The following PPP2R2D variants were observed in gnomAD, a reference collection of about 807,000 sequenced individuals.
The protein encoded by PPP2R2D is serine/threonine-protein phosphatase 2A 55 kDa regulatory subunit B delta isoform.
In PPP2R2D, 9 loss-of-function variants were observed where a neutral mutation model predicts 31.1. That is an observed-to-expected ratio of 0.29 (90% CI 0.17 to 0.51). The LOEUF is 0.51. PPP2R2D is among the 20% of genes least tolerant of loss of function. The pLI, the probability that PPP2R2D is intolerant of heterozygous loss-of-function variation, is 0.98. For synonymous variants in PPP2R2D, 179 were observed against 172.6 expected, an observed-to-expected ratio of 1.04 and a Z score of -0.29; for missense variants, 391 against 465.6, an observed-to-expected ratio of 0.84 and a Z score of 1.48.
At chr10:131,924,926 C>T (rs529173200) in intron 2 of PPP2R2D, among the ~76,000 whole-genome samples, 1 of 151,872 alleles carries the variant, frequency 6.6e-6, no homozygotes, top group African/African-American at 2.4e-5. Flanking sequence ...ATATTGTAAA[C>T]AGAGTTGTTT....
At chr10:131,936,988 G>T (rs1280033361) in intron 3 of PPP2R2D, among the ~76,000 whole-genome samples, 1 of 152,244 alleles carries the variant, frequency 6.6e-6, no homozygotes, top group Non-Finnish European at 1.5e-5. Context: ...GCCGCGGATG[G>T]TGTTGCAGCC....
chr10:131,965,451 G>A, the PPP2R2D span, among the ~76,000 whole-genome samples: 9 of 152,138 alleles, frequency 5.9e-5, no homozygotes, highest in African/African-American at 2.2e-4. Flanking sequence ...AAAAAACTAG[G>A]GGGCTTTTAT....
chr10:131,953,707 T>TG lies in PPP2R2D; in HGVS notation c.1083-1970dup, dbSNP rs782560559. On this transcript the variant is annotated intron_variant, in intron 8 of 8. Coordinates refer to ENST00000455566, the MANE Select transcript of PPP2R2D (RefSeq NM_018461.5). Reference sequence around the variant, plus strand: ...GTCTTAGCAGTGACTTGCGGGTGTGTGGGGGGGTCACTGTCTTAGTGACTT... The same window carrying TG: ...GTCTTAGCAGTGACTTGCGGGTGTGTGGGGGGGGTCACTGTCTTAGTGACTT... 9.5e-4 allele frequency among the ~76,000 whole-genome samples: 30 copies of TG among 31,586 alleles called. 1 individual carries two copies. Among genetic ancestry groups the TG allele is most frequent in the East Asian group, 1.7e-3 (1 of 604 alleles). 20.7% of individuals were successfully genotyped at this position (31,586 alleles called of 152,430 possible). A position where few individuals can be genotyped will look rare whatever the true frequency, so the allele number is the denominator to read the frequency against.
chr10:131,954,293 A>G (rs563086128), intron 8 of PPP2R2D, among the ~76,000 whole-genome samples: 10 of 152,386 alleles, frequency 6.6e-5, no homozygotes, highest in African/African-American at 2.4e-4. Context: ...AGTGTCGGCC[A>G]TACATCATCT....
intron 5 of PPP2R2D, among the ~76,000 whole-genome samples, chr10:131,943,615 C>T (rs978856088): frequency 2.0e-5 from 3 of 152,122 alleles, no homozygotes; most frequent in Admixed American, 2.0e-4. Context: ...AGCTGAGCCA[C>T]CCAGGAGGAC....
chr10:131,969,609 C>T, the PPP2R2D span: 1 of 152,380 alleles, frequency 6.6e-6, no homozygotes, highest in Non-Finnish European at 1.5e-5. Context: ...GCTTTTATCC[C>T]GTTTCCTTCA....
chr10:131,941,991 C>T lies in PPP2R2D; in HGVS notation c.477+1297C>T, dbSNP rs868969712. Among the ~76,000 whole-genome samples, 15 of 152,308 alleles carry T rather than the reference C, an allele frequency of 9.8e-5. 1 individual carries two copies. Among genetic ancestry groups the T allele is most frequent in the Middle Eastern group, 6.8e-3 (2 of 294 alleles). On this transcript the variant is annotated intron_variant, in intron 5 of 8. Transcript: ENST00000455566. ...TACACAGTGCTGCCGCCTTTGCACC[C>T]CTGAATTAGTGTAAATCACTTTTAG...
the PPP2R2D span, chr10:131,967,878 C>T: frequency 6.6e-6 from 1 of 152,216 alleles, no homozygotes; most frequent in African/African-American, 2.4e-5. Flanking sequence ...ACTGATCATC[C>T]AGGGTGATCA....
intron 2 of PPP2R2D, among the ~76,000 whole-genome samples, chr10:131,934,236 G>A (rs1366485455): frequency 1.3e-5 from 2 of 152,040 alleles, no homozygotes; most frequent in African/African-American, 4.8e-5. Flanking sequence ...CAGGCATGGG[G>A]GTGGAGTAAA....
chr10:131,970,705 A>G, the PPP2R2D span: 1 of 1,614,202 alleles, frequency 6.2e-7, no homozygotes, highest in Admixed American at 1.7e-5. The surrounding 1 kb of genome is among the most constrained non-coding windows in gnomAD (Gnocchi z 4.1). Context: ...AATTCTGCAG[A>G]GAATATGCCC....
rs2036838365 is a variant in PPP2R2D at position 131,957,874 on chromosome 10, C to CCA, written c.*1911_*1912insCA. Reference sequence around the variant, plus strand: ...GGAGATGAAGGGGTGTGTTGATCCCCTGTCCCCCTGTGGAGATGGTGTGTG... The same window carrying CCA: ...GGAGATGAAGGGGTGTGTTGATCCCCCATGTCCCCCTGTGGAGATGGTGTGTG... On this transcript the variant is annotated 3_prime_UTR_variant, in exon 9 of 9. Coordinates refer to ENST00000455566, the MANE Select transcript of PPP2R2D (RefSeq NM_018461.5). 6.8e-6 allele frequency: 1 copy of CCA among 147,188 alleles called. No individual in the cohort carries two copies. The highest frequency in any genetic ancestry group is 7.2e-5 in the Admixed American group (1 of 13,980). The allele number at this position is 147,188 out of a possible 1,614,324, so 9.1% of individuals were successfully genotyped here. A position where few individuals can be genotyped will look rare whatever the true frequency, so the allele number is the denominator to read the frequency against.
At chr10:131,960,931 T>A (rs946967853), downstream of PPP2R2D, among the ~76,000 whole-genome samples, 1 of 152,124 alleles carries the variant, frequency 6.6e-6, no homozygotes, top group Non-Finnish European at 1.5e-5. Flanking sequence ...GTGGCTCTGC[T>A]CGTCCTGGGC....
At chr10:131,971,179 C>T in the PPP2R2D span, 1 of 570,372 alleles carries the variant, frequency 1.8e-6, no homozygotes, top group South Asian at 2.0e-5. Context: ...ACGCTCGCCG[C>T]CTCCAGGGAC....
At chr10:131,970,986 T>C in the PPP2R2D span, 1 of 1,609,226 alleles carries the variant, frequency 6.2e-7, no homozygotes, top group Non-Finnish European at 8.5e-7. This position sits in a 1 kb window ranked among gnomAD's most constrained non-coding sequence, Gnocchi z 4.1. Context: ...ATAAAGTCAA[T>C]GTTAAAGGCA....
At position 131,901,019 on chromosome 10, in the gene PPP2R2D, CCCGGCGGCGGCGGCG is replaced by C. The variant is rs2035477937; in HGVS notation, c.-129_-115del. ...TTTTGAAAAGGGAAAAAAATCCCTC[CCCGGCGGCGGCGGCG>C]GCGGCGGCGGCGCCGGCGGTGGTGG... On this transcript the variant is annotated 5_prime_UTR_variant, in exon 1 of 9. Transcript: ENST00000455566. 9.0e-6 allele frequency: 1 copy of C among 110,726 alleles called. No homozygotes were observed. Among genetic ancestry groups the C allele is most frequent in the South Asian group, 2.9e-4 (1 of 3,434 alleles). The allele number at this position is 110,726 out of a possible 1,614,324, so 6.9% of individuals were successfully genotyped here.
At chr10:131,944,658 G>C (rs2036502839) in intron 6 of PPP2R2D, among the ~76,000 whole-genome samples, 1 of 152,118 alleles carries the variant, frequency 6.6e-6, no homozygotes, top group Admixed American at 6.5e-5. Context: ...GCCTCTCCAG[G>C]GTCCCTGCCG....
At chr10:131,921,362 G>A (rs1564813874) in intron 2 of PPP2R2D, among the ~76,000 whole-genome samples, 1 of 152,148 alleles carries the variant, frequency 6.6e-6, no homozygotes, top group African/African-American at 2.4e-5. Flanking sequence ...ACGCACCCAG[G>A]GTCCTAAGGC....
At chr10:131,944,473 A>ATATT (rs1215218117) in intron 6 of PPP2R2D, among the ~76,000 whole-genome samples, 1 of 152,194 alleles carries the variant, frequency 6.6e-6, no homozygotes, top group African/African-American at 2.4e-5. Flanking sequence ...TTGCTAATGA[A>ATATT]TAATAGAAAA....
intron 2 of PPP2R2D, among the ~76,000 whole-genome samples, chr10:131,918,034 G>T (rs1589930139): frequency 2.2e-5 from 3 of 139,010 alleles, no homozygotes; most frequent in Admixed American, 7.3e-5. Context: ...AGGGACCTCA[G>T]GCGGGTGGGA....
Sources: allele counts gnomAD v4.1 joint callset (sites outside exome capture counted in the v4.1 genomes callset), GRCh38; gene constraint gnomAD v4.1.1; non-coding constraint Gnocchi (gnomAD v3.1); transcripts MANE v1.5; gene names NCBI Gene and HGNC (gene_info 2026-07-23, HGNC 2026-07-21).